FUT8: variants seen among roughly 807,000 people sequenced by gnomAD.
FUT8 encodes the protein alpha-(1,6)-fucosyltransferase.
A neutral mutation model predicts 71.3 loss-of-function variants in FUT8; 29 were observed. That is an observed-to-expected ratio of 0.41 (90% CI 0.30 to 0.55). FUT8 has a LOEUF of 0.55. Among genes scored for constraint, FUT8 ranks in the 20% least tolerant of loss-of-function variants. FUT8 has a pLI of 0.34. For synonymous variants in FUT8, 254 were observed against 239.3 expected (o/e 1.06, Z -0.57); for missense variants, 544 against 702.1 (o/e 0.77, Z 2.55).
intron 2 of FUT8, among the ~76,000 whole-genome samples, chr14:65,513,179 A>G (rs140912481): frequency 1.1e-3 from 175 of 152,314 alleles, no homozygotes; most frequent in African/African-American, 3.8e-3. Context: ...TTGCAAAGCT[A>G]TTCTATCGAC....
At chr14:65,547,259 C>T (rs1293508789) in intron 2 of FUT8, among the ~76,000 whole-genome samples, 1 of 151,514 alleles carries the variant, frequency 6.6e-6, no homozygotes, top group Non-Finnish European at 1.5e-5. Context: ...ATAGAGCTTA[C>T]ACTGTGAACC....
chr14:65,478,937 T>C (rs1266466476), intron 2 of FUT8, among the ~76,000 whole-genome samples: 1 of 152,214 alleles, frequency 6.6e-6, no homozygotes, highest in Non-Finnish European at 1.5e-5. Context: ...ATTCTGTTAA[T>C]TGATTGTATG....
intron 7 of FUT8, among the ~76,000 whole-genome samples, chr14:65,692,401 G>A (rs1594902630): frequency 7.4e-6 from 1 of 134,530 alleles, no homozygotes; most frequent in South Asian, 2.4e-4. Context: ...CTGGCCGGGC[G>A]GGGGGCTGAC....
chr14:65,532,790 C>T (rs150868276), intron 2 of FUT8, among the ~76,000 whole-genome samples: 2 of 152,048 alleles, frequency 1.3e-5, no homozygotes, highest in African/African-American at 4.8e-5. Flanking sequence ...AGTCTTTAAT[C>T]CGTCTTGAGT....
At chr14:65,564,880 AT>A (rs1391651923) in intron 3 of FUT8, among the ~76,000 whole-genome samples, 1 of 151,902 alleles carries the variant, frequency 6.6e-6, no homozygotes, top group Non-Finnish European at 1.5e-5. Flanking sequence ...GCTGAGTAGT[AT>A]TTTTATTCTT....
intron 3 of FUT8, among the ~76,000 whole-genome samples, chr14:65,609,254 C>T (rs1888750150): frequency 6.7e-6 from 1 of 150,012 alleles, no homozygotes; most frequent in Non-Finnish European, 1.5e-5. Flanking sequence ...AGGATCGCGC[C>T]ACTGCACTCC....
At chr14:65,476,541 A>T (rs140769491) in intron 2 of FUT8, among the ~76,000 whole-genome samples, 4 of 152,288 alleles carry the variant, frequency 2.6e-5, no homozygotes, top group East Asian at 1.9e-4. Context: ...TAGCACACAG[A>T]AAGGAGTAAT....
At chr14:65,543,933 G>T (rs1452973985) in intron 2 of FUT8, among the ~76,000 whole-genome samples, 2 of 152,202 alleles carry the variant, frequency 1.3e-5, no homozygotes, top group Non-Finnish European at 2.9e-5. Context: ...ATAGAAAGAT[G>T]AAAAGGGATT....
chr14:65,427,752 A>T (rs1595362093), intron 1 of FUT8, among the ~76,000 whole-genome samples: 2 of 152,250 alleles, frequency 1.3e-5, no homozygotes, highest in South Asian at 4.1e-4. Flanking sequence ...AAATTTATAT[A>T]GTTGTGCAAC....
chr14:65,380,332 C>T, the FUT8 span, among the ~76,000 whole-genome samples: 6 of 152,256 alleles, frequency 3.9e-5, no homozygotes, highest in African/African-American at 1.4e-4. Flanking sequence ...CCCCCCGGGT[C>T]CCTCCCACAA....
At chr14:65,541,003 AT>A (rs1884647467) in intron 2 of FUT8, among the ~76,000 whole-genome samples, 1 of 152,120 alleles carries the variant, frequency 6.6e-6, no homozygotes. Context: ...ATATAGATTA[AT>A]GGTTTTTCAT....
chr14:65,635,895 G>A (rs1476965966), intron 6 of FUT8, among the ~76,000 whole-genome samples: 1 of 152,068 alleles, frequency 6.6e-6, no homozygotes, highest in Non-Finnish European at 1.5e-5. Flanking sequence ...TTGTGGACTA[G>A]TATCGAAAGG....
chr14:65,626,790 G>A (rs1368288081), intron 5 of FUT8, among the ~76,000 whole-genome samples: 2 of 152,184 alleles, frequency 1.3e-5, no homozygotes, highest in Admixed American at 1.3e-4. Flanking sequence ...CATTGTAAGT[G>A]ATTTCTAGAT....
At chr14:65,609,194 C>T (rs1202804145) in intron 3 of FUT8, among the ~76,000 whole-genome samples, 1 of 151,000 alleles carries the variant, frequency 6.6e-6, no homozygotes, top group Non-Finnish European at 1.5e-5. Flanking sequence ...ACTTGGGAGG[C>T]TGAAGCGGAA....
intron 7 of FUT8, among the ~76,000 whole-genome samples, chr14:65,701,879 G>A (rs1418909349): frequency 3.9e-5 from 6 of 152,038 alleles, no homozygotes; most frequent in African/African-American, 1.2e-4. Context: ...TAGCCACCTC[G>A]CCTCTCCCTT....
intron 6 of FUT8, among the ~76,000 whole-genome samples, chr14:65,644,840 A>G (rs1013883254): frequency 1.3e-5 from 2 of 152,172 alleles, no homozygotes; most frequent in African/African-American, 4.8e-5. Context: ...ATTAACATGG[A>G]TAACTCATAT....
At chr14:65,425,187 C>T (rs553359878) in intron 1 of FUT8, among the ~76,000 whole-genome samples, 3 of 147,942 alleles carry the variant, frequency 2.0e-5, no homozygotes, top group East Asian at 2.0e-4. Context: ...TTTTTTGAGA[C>T]GGAGTTTCAC....
chr14:65,690,901 C>G (rs1161322849), intron 7 of FUT8, among the ~76,000 whole-genome samples: 1 of 151,536 alleles, frequency 6.6e-6, no homozygotes, highest in Non-Finnish European at 1.5e-5. Context: ...GATTTTCGTA[C>G]TTTTAGTAGA....
intron 7 of FUT8, among the ~76,000 whole-genome samples, chr14:65,677,023 A>G (rs1892746596): frequency 6.6e-6 from 1 of 152,002 alleles, no homozygotes; most frequent in Non-Finnish European, 1.5e-5. Context: ...TAGTGGAGTT[A>G]TACATATTTT....
Sources: gnomAD v4.1 joint callset for allele counts (sites outside exome capture counted in the v4.1 genomes callset) on GRCh38, gnomAD v4.1.1 for gene constraint, MANE v1.5 for transcripts, NCBI Gene and HGNC (gene_info 2026-07-23, HGNC 2026-07-21) for gene names.